Variants in FBXO15 observed in about 807,000 individuals in gnomAD.
FBXO15 encodes the protein F-box only protein 15.
Under a neutral mutation model 49.5 loss-of-function variants are expected in FBXO15, and 30 were observed. That is an observed-to-expected ratio of 0.61 (90% CI 0.45 to 0.82). The LOEUF (loss-of-function observed/expected upper bound fraction) is 0.82, where lower values mean the gene tolerates loss of function less well. Among genes scored for constraint, FBXO15 ranks in the 40% least tolerant of loss-of-function variants. The pLI, the probability that FBXO15 is intolerant of heterozygous loss-of-function variation, is 0.00. For missense variants in FBXO15, 591 were observed against 631.5 expected (o/e 0.94, Z 0.69); for synonymous variants, 250 against 232.7 (o/e 1.07, Z -0.68).
intron 9 of FBXO15, among the ~76,000 whole-genome samples, chr18:74,080,479 T>C (rs34418605): frequency 0.044 from 6,716 of 152,320 alleles, 204 homozygotes; most frequent in East Asian, 0.12. Flanking sequence ...TTCTCTACTT[T>C]AAAAACTCAA....
intron 8 of FBXO15, among the ~76,000 whole-genome samples, chr18:74,108,366 C>T (rs1228854157): frequency 6.6e-6 from 1 of 151,600 alleles, no homozygotes; most frequent in Non-Finnish European, 1.5e-5. Flanking sequence ...TAAGAGAGAA[C>T]CAAAATAAAT....
chr18:74,147,682 G>A lies in FBXO15; in HGVS notation c.104C>T (p.Ala35Val), dbSNP rs773337315. The change falls in exon 1 of 10, where the codon GCC (alanine) becomes GTC (valine). Residue 35 changes from alanine to valine, a missense_variant. Physicochemically the swap from Ala to Val is moderately conservative, Grantham distance 64. Transcript: ENST00000419743. ...GCCCTACAGTCACCTGCACCCAAAG[G>A]CCCTGGCGCGCCCCCGGGCCGCGCC... ...GGGAARGRAR[A>V]FGCRKGPGVK... 1.1e-5 allele frequency: 16 copies of A among 1,493,630 alleles called. No individual in the cohort carries two copies. In the South Asian group the frequency reaches 1.9e-4, roughly 18 times the overall value. 92.5% of individuals were successfully genotyped at this position (1,493,630 alleles called of 1,614,324 possible). A position where few individuals can be genotyped will look rare whatever the true frequency, so the allele number is the denominator to read the frequency against.
Position 74,130,565 on chromosome 18 carries a change from G to T in FBXO15, c.426C>A (p.Ser142Arg). 6.2e-7 allele frequency: 1 copy of T among 1,614,118 alleles called. No individual in the cohort carries two copies. The highest frequency in any genetic ancestry group is 1.1e-5 in the South Asian group (1 of 91,084). Residue 142 changes from serine to arginine, a missense_variant, in exon 4 of 10, where the codon AGC (serine) becomes AGA (arginine). Physicochemically the swap from Ser to Arg is moderately radical, Grantham distance 110. Transcript: ENST00000419743. ...CTTCTTTATCCTGAACTGACAGAAA[G>T]CTCATAGACATAGCTATCTTCTCTA... is the stretch of plus-strand genomic sequence containing the variant. ...NSVEKIAMSMSFLSVQDKEAG... is the reference protein window; with the variant it reads ...NSVEKIAMSMRFLSVQDKEAG...
At chr18:74,077,584 A>C (rs971202838) in intron 9 of FBXO15, among the ~76,000 whole-genome samples, 2 of 152,130 alleles carry the variant, frequency 1.3e-5, no homozygotes, top group African/African-American at 4.8e-5. Context: ...CCTGCATGAC[A>C]GGGACCACCA....
chr18:74,137,210 C>T (rs573752611), intron 2 of FBXO15, among the ~76,000 whole-genome samples: 2 of 152,280 alleles, frequency 1.3e-5, no homozygotes, highest in East Asian at 1.9e-4. Flanking sequence ...TAAAACCCCT[C>T]CCATTCAGAG....
intron 5 of FBXO15, among the ~76,000 whole-genome samples, chr18:74,126,569 T>C (rs1003623876): frequency 1.3e-5 from 2 of 152,214 alleles, no homozygotes; most frequent in African/African-American, 4.8e-5. Context: ...TTCACAGTTA[T>C]CATCAAGGAT....
At position 74,079,995 on chromosome 18, in the gene FBXO15, G is replaced by A. The variant is rs148437985; in HGVS notation, c.1263+1932C>T. Among the ~76,000 whole-genome samples the A allele has an allele frequency of 6.5e-4, 99 of 152,306 alleles. 1 individual carries two copies. The East Asian group carries it at 0.016, about 25-fold the overall frequency. ...AGTAGCCTATGCTCTGACAGGCATC[G>A]TAAACTATTTAGTAGAAGCTCCTCA... On this transcript the variant is annotated intron_variant, in intron 9 of 9. Coordinates refer to ENST00000419743, the MANE Select transcript of FBXO15 (RefSeq NM_001142958.2).
intron 8 of FBXO15, among the ~76,000 whole-genome samples, chr18:74,121,025 G>C (rs1914443327): frequency 6.6e-6 from 1 of 151,776 alleles, no homozygotes; most frequent in South Asian, 2.1e-4. Flanking sequence ...AGATAATAAG[G>C]GACTATTACG....
intron 8 of FBXO15, among the ~76,000 whole-genome samples, chr18:74,109,998 C>T (rs556637941): frequency 6.6e-5 from 10 of 150,680 alleles, no homozygotes; most frequent in South Asian, 2.1e-4. Flanking sequence ...AAAAGGAAAA[C>T]GATAAAGATC....
intron 4 of FBXO15, 85 bp from the exon 5 acceptor site, chr18:74,129,699 G>T: frequency 1.8e-6 from 2 of 1,130,942 alleles, no homozygotes; most frequent in Non-Finnish European, 2.5e-6. Flanking sequence ...CTTCTCTAAA[G>T]CATCTAGTTC....
At chr18:74,142,030 G>C (rs1979109043) in intron 1 of FBXO15, among the ~76,000 whole-genome samples, 1 of 152,048 alleles carries the variant, frequency 6.6e-6, no homozygotes, top group Admixed American at 6.6e-5. Flanking sequence ...GTTGCATAAG[G>C]TAAACTTTTC....
chr18:74,130,170 T>G (rs1978320992), intron 4 of FBXO15, among the ~76,000 whole-genome samples: 1 of 152,226 alleles, frequency 6.6e-6, no homozygotes, highest in South Asian at 2.1e-4. Context: ...CTGGTTTTAT[T>G]TGTATTCTTT....
At chr18:74,092,219 C>T (rs1396986669) in intron 8 of FBXO15, among the ~76,000 whole-genome samples, 1 of 152,182 alleles carries the variant, frequency 6.6e-6, no homozygotes. Flanking sequence ...TTTTCAGCTA[C>T]ATCAGCTCAG....
At chr18:74,078,100 C>G (rs907841430) in intron 9 of FBXO15, among the ~76,000 whole-genome samples, 1 of 152,084 alleles carries the variant, frequency 6.6e-6, no homozygotes, top group African/African-American at 2.4e-5. Flanking sequence ...CTGCTCACAG[C>G]CCTAAGCCGT....
At chr18:74,085,571 C>T (rs1006457597) in intron 8 of FBXO15, among the ~76,000 whole-genome samples, 1 of 152,142 alleles carries the variant, frequency 6.6e-6, no homozygotes. Flanking sequence ...CCAGTCTGGG[C>T]AACAGAGTGA....
chr18:74,097,679 T>C (rs1402445968), intron 8 of FBXO15: 1 of 152,268 alleles, frequency 6.6e-6, no homozygotes. Context: ...CTGCCCACCC[T>C]GGTAGCTGAA....
intron 2 of FBXO15, among the ~76,000 whole-genome samples, chr18:74,137,669 T>C (rs779206298): frequency 4.4e-4 from 67 of 152,192 alleles, no homozygotes; most frequent in Non-Finnish European, 9.3e-4. Context: ...TTTACACCCA[T>C]ATTGGATTAC....
Position 74,099,513 on chromosome 18 carries a change from A to G in FBXO15, c.1139-17462T>C, listed in dbSNP as rs989642631. On this transcript the variant is annotated intron_variant, in intron 8 of 9. Coordinates refer to ENST00000419743, the MANE Select transcript of FBXO15 (RefSeq NM_001142958.2). ...ACAGGACCTATAAAACAAAAATACAATTAAAAAAAGGTATACAGGCAACAA... is the reference window on the plus strand; with the variant it reads ...ACAGGACCTATAAAACAAAAATACAGTTAAAAAAAGGTATACAGGCAACAA... 10 of 152,174 alleles carry G rather than the reference A, an allele frequency of 6.6e-5. No homozygotes were observed. In the East Asian group the frequency reaches 1.9e-3, roughly 29 times the overall value. 9.4% of individuals were successfully genotyped at this position (152,174 alleles called of 1,614,324 possible).
chr18:74,076,677 C>G (rs1912269771), intron 9 of FBXO15: 1 of 152,226 alleles, frequency 6.6e-6, no homozygotes, highest in African/African-American at 2.4e-5. Flanking sequence ...TCGCCATATT[C>G]AGAAGACAAA....
Sources: gnomAD v4.1 joint callset for allele counts (sites outside exome capture counted in the v4.1 genomes callset) on GRCh38, gnomAD v4.1.1 for gene constraint, MANE v1.5 for transcripts, NCBI Gene and HGNC (gene_info 2026-07-23, HGNC 2026-07-21) for gene names.